DUSP15: variants seen among roughly 807,000 people sequenced by gnomAD.
DUSP15 encodes dual specificity phosphatase 15.
A neutral mutation model predicts 26.3 loss-of-function variants in DUSP15; 23 were observed. The observed-to-expected ratio is 0.87, with a 90% CI of 0.63 to 1.24. The LOEUF is 1.24. Among genes scored for constraint, DUSP15 ranks in the 50% most tolerant of loss-of-function variants. The pLI is 0.00. For synonymous variants in DUSP15, 143 were observed against 135.5 expected (o/e 1.06, Z -0.39); for missense variants, 364 against 320.6 (o/e 1.14, Z -1.03).
chr20:31,870,344 G>T lies in DUSP15; in HGVS notation c.-7C>A, dbSNP rs575080197. The T allele has an allele frequency of 1.8e-5, 23 of 1,275,138 alleles. No individual in the cohort carries two copies. In the East Asian group the frequency reaches 6.1e-4, roughly 34 times the overall value. 79.0% of individuals were successfully genotyped at this position (1,275,138 alleles called of 1,614,324 possible). On this transcript the variant is annotated 5_prime_UTR_variant, in exon 1 of 7. Transcript: ENST00000339738. This position sits in a 1 kb window ranked among gnomAD's most constrained non-coding sequence, Gnocchi z 6.6. ...TGGTCATGCCATTGCCCATGATCCCGGGGGCGGCGGTCCGGGTGCACCCCC... is the reference window on the plus strand; with the variant it reads ...TGGTCATGCCATTGCCCATGATCCCTGGGGCGGCGGTCCGGGTGCACCCCC...
At chr20:31,870,547 C>A, upstream of DUSP15, 1 of 1,454,546 alleles carries the variant, frequency 6.9e-7, no homozygotes, top group Non-Finnish European at 9.0e-7. This position sits in a 1 kb window ranked among gnomAD's most constrained non-coding sequence, Gnocchi z 6.6. Flanking sequence ...GCCGCCGCTG[C>A]CACCGCCGCC....
intron 2 of DUSP15, 38 bp downstream of exon 2, chr20:31,869,526 G>A (rs6142572): frequency 6.2e-7 from 1 of 1,604,632 alleles, no homozygotes; most frequent in Non-Finnish European, 8.5e-7. Flanking sequence ...GAGACAGGCA[G>A]AGTGCCATGG....
In DUSP15 at chr20:31,861,415, C is replaced by T. The variant is rs2062646771; in HGVS notation, c.696G>A (p.Lys232=). 3 of 1,558,572 alleles carry T rather than the reference C, an allele frequency of 1.9e-6. No homozygotes were observed. The highest frequency in any genetic ancestry group is 1.8e-5 in the Admixed American group (1 of 54,988). The stretch of plus-strand genomic sequence containing the variant: ...CTGGACTGCATCCTCACTTGCCGCC[C>T]TTGCGGGACAGACACCGGGGGAGGC... The part of the protein sequence containing the change: ...FSCLPRCLSR[K]GGK Residue 232 remains lysine (K), a synonymous_variant, in exon 7 of 7, where the codon AAG becomes AAA. Transcript: ENST00000339738.
upstream of DUSP15, chr20:31,870,593 GCCCCCGCCTCGGGTC>G (rs544814676): frequency 4.3e-3 from 6,026 of 1,406,694 alleles, 36 homozygotes; most frequent in Non-Finnish European, 4.4e-3. This position sits in a 1 kb window ranked among gnomAD's most constrained non-coding sequence, Gnocchi z 6.6. Flanking sequence ...GTCATGTGGG[GCCCCCGCCTCGGGTC>G]GCGGCGGGGG....
At chr20:31,866,470 G>T (rs2062768156) in intron 3 of DUSP15, among the ~76,000 whole-genome samples, 1 of 152,208 alleles carries the variant, frequency 6.6e-6, no homozygotes, top group African/African-American at 2.4e-5. Context: ...CAGTGAAGAT[G>T]TTCCTGACAT....
Position 31,870,189 on chromosome 20 carries a change from C to G in DUSP15, c.21+128G>C, listed in dbSNP as rs1042124900. ...CAGCCGCGGTCTCGAGTCACAGGGA[C>G]ACGGAGATGCCGCCGCACGGAGACC... On this transcript the variant is annotated intron_variant, in intron 1 of 6. Coordinates refer to ENST00000339738, the MANE Select transcript of DUSP15 (RefSeq NM_080611.5). This position sits in a 1 kb window ranked among gnomAD's most constrained non-coding sequence, Gnocchi z 6.6. 35 of 1,225,526 alleles carry G rather than the reference C, an allele frequency of 2.9e-5. No individual in the cohort carries two copies. In the South Asian group the frequency reaches 2.9e-4, roughly 10 times the overall value. 75.9% of individuals were successfully genotyped at this position (1,225,526 alleles called of 1,614,324 possible).
At chr20:31,846,171 CACACACATAT>C (rs2062375090), downstream of DUSP15, among the ~76,000 whole-genome samples, 1 of 149,526 alleles carries the variant, frequency 6.7e-6, no homozygotes, top group Admixed American at 6.7e-5. Flanking sequence ...CATAAGCACA[CACACACATAT>C]ACACAGAGAC....
At chr20:31,861,983 CTTCT>C (rs1464905387) in intron 6 of DUSP15, among the ~76,000 whole-genome samples, 2 of 146,258 alleles carry the variant, frequency 1.4e-5, no homozygotes, top group African/African-American at 5.6e-5. Context: ...CCGCTTTGCA[CTTCT>C]GGGTAACTCC....
At chr20:31,849,920 G>GCTCCCCTCGCCTTCTTACC (rs2062439475) in intron 7 of DUSP15, 1 of 1,431,028 alleles carries the variant, frequency 7.0e-7, no homozygotes, top group African/African-American at 1.5e-5. Flanking sequence ...GGCGGCGCTA[G>GCTCCCCTCGCCTTCTTACC]CTCCCCTCGC....
At chr20:31,867,629 ATGTTTTTTTTT>A (rs1233789190) in intron 2 of DUSP15, among the ~76,000 whole-genome samples, 2 of 107,814 alleles carry the variant, frequency 1.9e-5, no homozygotes, top group Non-Finnish European at 3.5e-5. Context: ...GATGCCCACA[ATGTTTTTTTTT>A]TTTTTTTTTT....
At chr20:31,855,514 G>A (rs990384574) in intron 6 of DUSP15, among the ~76,000 whole-genome samples, 1 of 152,200 alleles carries the variant, frequency 6.6e-6, no homozygotes, top group African/African-American at 2.4e-5. Flanking sequence ...TTTATTCCAT[G>A]AGCTTTGGGC....
chr20:31,855,953 T>C (rs2062554399), intron 6 of DUSP15, among the ~76,000 whole-genome samples: 1 of 152,172 alleles, frequency 6.6e-6, no homozygotes, highest in South Asian at 2.1e-4. Context: ...AAAATTTTTA[T>C]TTCCATAGGT....
chr20:31,855,573 A>G (rs1287967205), intron 6 of DUSP15, among the ~76,000 whole-genome samples: 1 of 152,192 alleles, frequency 6.6e-6, no homozygotes, highest in African/African-American at 2.4e-5. Flanking sequence ...ACAGTGGTGG[A>G]TTGAGGGATG....
At chr20:31,865,689 G>C (rs2062751360) in intron 3 of DUSP15, among the ~76,000 whole-genome samples, 1 of 152,208 alleles carries the variant, frequency 6.6e-6, no homozygotes, top group African/African-American at 2.4e-5. Flanking sequence ...ATTTGTCCAT[G>C]GCTTTGTGTG....
chr20:31,846,252 A>C (rs1047414682), downstream of DUSP15, among the ~76,000 whole-genome samples: 6 of 150,456 alleles, frequency 4.0e-5, no homozygotes, highest in Admixed American at 3.3e-4. Flanking sequence ...ACACAGACAC[A>C]CAGAGACATA....
downstream of DUSP15, chr20:31,845,677 TG>T: frequency 9.2e-7 from 1 of 1,086,868 alleles, no homozygotes. Flanking sequence ...CAAAAAGGGG[TG>T]GGTCTGCTGA....
chr20:31,853,483 TAAAATG>T lies in DUSP15; in HGVS notation c.427-2813_427-2808del. Among the ~76,000 whole-genome samples, 2 of 152,026 alleles carry T rather than the reference TAAAATG, an allele frequency of 1.3e-5. 1 individual carries two copies. Among genetic ancestry groups the T allele is most frequent in the South Asian group, 4.2e-4 (2 of 4,812 alleles). ...TCTTTTAGGGTCAGAGAACATTTCT[TAAAATG>T]TAAAAGGAGTGAGACCCTGTCTCTA... On this transcript the variant is annotated intron_variant, in intron 6 of 9. Transcript: ENST00000278979.
intron 6 of DUSP15, among the ~76,000 whole-genome samples, chr20:31,850,860 T>A (rs879941721): frequency 6.6e-6 from 1 of 152,144 alleles, no homozygotes; most frequent in Non-Finnish European, 1.5e-5. Flanking sequence ...GTGGGGCCAC[T>A]CCTTGTCCTC....
At chr20:31,867,003 T>C (rs1401415140) in intron 3 of DUSP15, 68 bp downstream of exon 3, 1 of 1,417,260 alleles carries the variant, frequency 7.1e-7, no homozygotes, top group Non-Finnish European at 9.7e-7. Flanking sequence ...TAGCACATAG[T>C]AGATATTTGA....
Sources: gnomAD v4.1 joint callset for allele counts (sites outside exome capture counted in the v4.1 genomes callset) on GRCh38, gnomAD v4.1.1 for gene constraint, Gnocchi (gnomAD v3.1) non-coding constraint, MANE v1.5 for transcripts, NCBI Gene and HGNC (gene_info 2026-07-23, HGNC 2026-07-21) for gene names.